Variants in C2orf49 observed in about 807,000 individuals in gnomAD.
C2orf49 encodes the protein tRNA-splicing ligase complex subunit ASW.
A neutral mutation model predicts 20.6 loss-of-function variants in C2orf49; 11 were observed. The observed-to-expected ratio is 0.53, with a 90% CI of 0.34 to 0.88. The LOEUF (loss-of-function observed/expected upper bound fraction) is 0.88, where lower values mean the gene tolerates loss of function less well. Among genes scored for constraint, C2orf49 ranks in the 40% least tolerant of loss-of-function variants. The pLI, the probability that C2orf49 is intolerant of heterozygous loss-of-function variation, is 0.02. For synonymous variants in C2orf49, 134 were observed against 108.5 expected, an observed-to-expected ratio of 1.24 and a Z score of -1.46; for missense variants, 289 against 274.2, an observed-to-expected ratio of 1.05 and a Z score of -0.38.
At chr2:105,339,510 A>C in intron 1 of C2orf49, 73 bp from the exon 2 acceptor site, 1 of 1,383,198 alleles carries the variant, frequency 7.2e-7, no homozygotes, top group South Asian at 1.3e-5. Context: ...ATGTTTTACC[A>C]TGTTAGGTAA....
At chr2:105,356,828 G>T in the C2orf49 span, among the ~76,000 whole-genome samples, 3 of 152,306 alleles carry the variant, frequency 2.0e-5, no homozygotes, top group South Asian at 6.2e-4. Context: ...TGAATGTAAT[G>T]TGTCTGGGTA....
Position 105,337,702 on chromosome 2 carries a change from T to C in C2orf49, c.99+16T>C. The C allele has an allele frequency of 2.1e-5, 1 of 47,552 alleles. No individual in the cohort carries two copies. The highest frequency in any genetic ancestry group is 3.6e-5 in the Non-Finnish European group (1 of 27,974). The allele number at this position is 47,552 out of a possible 1,614,324, so 2.9% of individuals were successfully genotyped here. A position where few individuals can be genotyped will look rare whatever the true frequency, so the allele number is the denominator to read the frequency against. ...TCTGGAGCAGGTTGGGCGCGCCGGA[T>C]CGGAGGGTGGGCGGGTGGGCCTTCC... On this transcript the variant is annotated intron_variant, in intron 1 of 3. Transcript: ENST00000258457.
At chr2:105,371,647 G>GA in the C2orf49 span, among the ~76,000 whole-genome samples, 1 of 151,928 alleles carries the variant, frequency 6.6e-6, no homozygotes, top group Non-Finnish European at 1.5e-5. Context: ...GACTAACACA[G>GA]AAAGTCAAGA....
At chr2:105,375,158 T>C in the C2orf49 span, 17,845 of 145,188 alleles carry the variant, frequency 0.12, 1,233 homozygotes, top group East Asian at 0.32. Context: ...TGTGTGTGTG[T>C]GCGCGTGCGT....
the C2orf49 span, among the ~76,000 whole-genome samples, chr2:105,382,498 C>T: frequency 8.5e-5 from 13 of 152,146 alleles, no homozygotes; most frequent in Admixed American, 7.2e-4. Flanking sequence ...TAGGCCTCAG[C>T]GGCTACTCCA....
chr2:105,380,156 C>G, the C2orf49 span, among the ~76,000 whole-genome samples: 1 of 152,156 alleles, frequency 6.6e-6, no homozygotes. Context: ...TTTTAGAGAT[C>G]TTGGCCAACA....
At chr2:105,356,178 G>A in the C2orf49 span, among the ~76,000 whole-genome samples, 7 of 152,086 alleles carry the variant, frequency 4.6e-5, no homozygotes, top group African/African-American at 1.7e-4. Context: ...ATCACCTGAG[G>A]TCAGGAGTTC....
At position 105,346,526 on chromosome 2, in the gene C2orf49, A is replaced by G. The variant is rs1281756613; in HGVS notation, c.*1155A>G. On this transcript the variant is annotated 3_prime_UTR_variant, in exon 4 of 4. Coordinates refer to ENST00000258457, the MANE Select transcript of C2orf49 (RefSeq NM_024093.3). ...TAAAAAGTCTTCAGGCAGAGTAATC[A>G]TGTTAGAGGTGGTATTCGATGGAAG... The G allele has an allele frequency of 2.0e-5, 3 of 152,212 alleles. No homozygotes were observed. The highest frequency in any genetic ancestry group is 7.2e-5 in the African/African-American group (3 of 41,452). The allele number at this position is 152,212 out of a possible 1,614,324, so 9.4% of individuals were successfully genotyped here.
intron 3 of C2orf49, among the ~76,000 whole-genome samples, chr2:105,344,391 C>G (rs780952826): frequency 1.3e-5 from 2 of 151,772 alleles, no homozygotes; most frequent in Admixed American, 6.6e-5. Context: ...TTTCCAGGCT[C>G]TTAAACAGCA....
Position 105,348,533 on chromosome 2 carries a change from T to TATAG in C2orf49, c.*3165_*3166insGATA, listed in dbSNP as rs1349937491. Reference sequence around the variant, plus strand: ...AACTGCCAGTAGATTAAATCATATATATATATATATATATATATATATATG... The same window carrying TATAG: ...AACTGCCAGTAGATTAAATCATATATATAGATATATATATATATATATATATATG... On this transcript the variant is annotated 3_prime_UTR_variant, in exon 4 of 4. Transcript: ENST00000258457. The TATAG allele has an allele frequency of 1.5e-5, 2 of 130,176 alleles. No homozygotes were observed. Among genetic ancestry groups the TATAG allele is most frequent in the Admixed American group, 1.6e-4 (2 of 12,724 alleles). 8.1% of individuals were successfully genotyped at this position (130,176 alleles called of 1,614,324 possible).
At chr2:105,343,287 A>G in intron 3 of C2orf49, 64 bp downstream of exon 3, 2 of 1,490,328 alleles carry the variant, frequency 1.3e-6, no homozygotes, top group Non-Finnish European at 1.8e-6. Context: ...AGTCTGCCTC[A>G]TGACGGGAGG....
At chr2:105,373,447 G>C in the C2orf49 span, 21 of 1,158,522 alleles carry the variant, frequency 1.8e-5, no homozygotes, top group South Asian at 2.8e-4. Flanking sequence ...GGTCAAACTG[G>C]AAAGTCAACA....
At chr2:105,384,029 T>C in the C2orf49 span, among the ~76,000 whole-genome samples, 1 of 152,202 alleles carries the variant, frequency 6.6e-6, no homozygotes, top group Non-Finnish European at 1.5e-5. Flanking sequence ...AAAACATGCG[T>C]GGAAGGATGA....
chr2:105,337,547 G>T lies in C2orf49; in HGVS notation c.-41G>T. 6.2e-7 allele frequency: 1 copy of T among 1,612,500 alleles called. No individual in the cohort carries two copies. The highest frequency in any genetic ancestry group is 8.5e-7 in the Non-Finnish European group (1 of 1,179,734). On this transcript the variant is annotated 5_prime_UTR_variant, in exon 1 of 4. Coordinates refer to ENST00000258457, the MANE Select transcript of C2orf49 (RefSeq NM_024093.3). The stretch of plus-strand genomic sequence containing the variant: ...TCACTTCCGCAACGCTTCCTTCGCG[G>T]GGCTTTGTGGGTAGCCGACTGGGGT...
intron 1 of C2orf49, among the ~76,000 whole-genome samples, chr2:105,339,137 C>T (rs956437895): frequency 6.6e-6 from 1 of 152,138 alleles, no homozygotes. Context: ...TAGAGAAGCA[C>T]GAGAAATATA....
chr2:105,364,993 A>G, the C2orf49 span, among the ~76,000 whole-genome samples: 1 of 152,210 alleles, frequency 6.6e-6, no homozygotes, highest in Non-Finnish European at 1.5e-5. Flanking sequence ...CTTGGTTGCA[A>G]CGTATCCATG....
rs780109990 is a variant in C2orf49, at chr2:105,342,862, A to C, written c.281A>C (p.Asp94Ala). ...KNETKRSSTV[D>A]GLRKRPLIVF... ...TTTGATTTCAGGAGTAGCACTGTAG[A>C]TGGGTTAAGGAAAAGACCCCTCATC... The change falls in exon 3 of 4, where the codon GAT (aspartate) becomes GCT (alanine). Residue 94 changes from aspartate to alanine, a missense_variant. By Grantham distance (126) the Asp-to-Ala change is moderately radical. Coordinates refer to ENST00000258457, the MANE Select transcript of C2orf49 (RefSeq NM_024093.3). The C allele has an allele frequency of 8.7e-6, 14 of 1,613,072 alleles. No homozygotes were observed. The highest frequency in any genetic ancestry group is 1.3e-5 in the African/African-American group (1 of 74,874).
chr2:105,342,144 C>G (rs961869679), intron 2 of C2orf49, among the ~76,000 whole-genome samples: 3 of 152,222 alleles, frequency 2.0e-5, no homozygotes, highest in African/African-American at 4.8e-5. Context: ...CGCACGCCAC[C>G]CTGGGCAACA....
At chr2:105,344,757 T>A (rs919360781) in intron 3 of C2orf49, among the ~76,000 whole-genome samples, 2 of 151,964 alleles carry the variant, frequency 1.3e-5, no homozygotes, top group African/African-American at 4.8e-5. Flanking sequence ...TTTTTTTTTT[T>A]TTTATTTTTG....
Sources: gnomAD v4.1 joint callset for allele counts (sites outside exome capture counted in the v4.1 genomes callset) on GRCh38, gnomAD v4.1.1 for gene constraint, MANE v1.5 for transcripts, NCBI Gene and HGNC (gene_info 2026-07-23, HGNC 2026-07-21) for gene names.